GRAMD2B: variants seen among roughly 807,000 people sequenced by gnomAD.
The protein encoded by GRAMD2B is GRAM domain containing 2B, also known as GRAM domain-containing protein 2B.
A neutral mutation model predicts 59.2 loss-of-function variants in GRAMD2B; 41 were observed. That is an observed-to-expected ratio of 0.69 (90% CI 0.54 to 0.90). The LOEUF (loss-of-function observed/expected upper bound fraction) is 0.90, where lower values mean the gene tolerates loss of function less well. Among genes scored for constraint, GRAMD2B ranks in the 40% least tolerant of loss-of-function variants. GRAMD2B has a pLI of 0.00. For missense variants in GRAMD2B, 424 were observed against 500.5 expected, an observed-to-expected ratio of 0.85 and a Z score of 1.46; for synonymous variants, 161 against 182.7, an observed-to-expected ratio of 0.88 and a Z score of 0.96.
At chr5:126,414,965 T>C (rs1157199486) in intron 1 of GRAMD2B, among the ~76,000 whole-genome samples, 2 of 152,172 alleles carry the variant, frequency 1.3e-5, no homozygotes, top group East Asian at 1.9e-4. Flanking sequence ...AGTTTGTCTA[T>C]ATAAAGACAG....
intron 1 of GRAMD2B, chr5:126,459,073 C>G (rs1460827423): frequency 6.6e-6 from 1 of 152,060 alleles, no homozygotes; most frequent in African/African-American, 2.4e-5. Flanking sequence ...TTTTAAAGAC[C>G]TTAGAAAGAA....
In GRAMD2B at chr5:126,472,268, T is replaced by C. The variant is rs777696095; in HGVS notation, c.346T>C (p.Phe116Leu). The change falls in exon 4 of 14, where the codon TTT (phenylalanine) becomes CTT (leucine). Residue 116 changes from phenylalanine (F) to leucine (L), a missense_variant. Phe to Leu is a conservative substitution (Grantham distance 22). Transcript: ENST00000285689. ...YKANMHFHKL[F>L]LSVPTEEPLK... ...GGCCAATATGCACTTTCACAAGTTG[T>C]TTCTTAGTGTCCCAACGGAGGAACC... The C allele has an allele frequency of 6.2e-7, 1 of 1,614,052 alleles. No individual in the cohort carries two copies. Among genetic ancestry groups the C allele is most frequent in the South Asian group, 1.1e-5 (1 of 91,086 alleles).
intron 1 of GRAMD2B, among the ~76,000 whole-genome samples, chr5:126,392,592 T>A (rs985028320): frequency 5.9e-5 from 9 of 152,132 alleles, no homozygotes; most frequent in African/African-American, 2.2e-4. Context: ...ATTTGCATAG[T>A]TTAGACAAGT....
chr5:126,388,417 T>G lies in GRAMD2B; in HGVS notation c.125+16850T>G, dbSNP rs62391845. On this transcript the variant is annotated intron_variant, in intron 1 of 8. Coordinates refer to the GRAMD2B transcript ENST00000506445. ...TAATTAATTAAATAAAGATGCTGTT[T>G]TCAACCAAGACAAATTTTCTAAATA... Among the ~76,000 whole-genome samples the G allele has an allele frequency of 9.9e-5, 15 of 152,004 alleles. 1 individual carries two copies. The highest frequency in any genetic ancestry group is 1.9e-4 in the Non-Finnish European group (13 of 68,010).
At chr5:126,453,533 A>G (rs1765740257) in intron 1 of GRAMD2B, among the ~76,000 whole-genome samples, 1 of 152,204 alleles carries the variant, frequency 6.6e-6, no homozygotes, top group African/African-American at 2.4e-5. Flanking sequence ...AGAATTCACT[A>G]TCAGCAGCAT....
chr5:126,405,924 A>T (rs1758226885), intron 1 of GRAMD2B, among the ~76,000 whole-genome samples: 1 of 151,934 alleles, frequency 6.6e-6, no homozygotes, highest in South Asian at 2.1e-4. Context: ...AGAAAAGTGT[A>T]GTTAAGAGTT....
upstream of GRAMD2B, among the ~76,000 whole-genome samples, chr5:126,419,608 C>T (rs1759548698): frequency 6.6e-6 from 1 of 152,180 alleles, no homozygotes; most frequent in Non-Finnish European, 1.5e-5. Flanking sequence ...TGAACAGATG[C>T]ACAGTGTATG....
intron 1 of GRAMD2B, among the ~76,000 whole-genome samples, chr5:126,428,184 C>A (rs1760939656): frequency 6.6e-6 from 1 of 152,134 alleles, no homozygotes; most frequent in Non-Finnish European, 1.5e-5. Context: ...GATCATGGAT[C>A]ATGCCACTGC....
At chr5:126,447,491 T>A (rs781105654) in intron 1 of GRAMD2B, among the ~76,000 whole-genome samples, 4 of 151,766 alleles carry the variant, frequency 2.6e-5, no homozygotes, top group Middle Eastern at 3.4e-3. Context: ...TGAAACCCCG[T>A]CTCTACTAAA....
chr5:126,492,081 CA>C (rs1265693965), intron 13 of GRAMD2B, among the ~76,000 whole-genome samples: 1 of 152,218 alleles, frequency 6.6e-6, no homozygotes, highest in Non-Finnish European at 1.5e-5. Flanking sequence ...TTACTGAGAA[CA>C]TTTTTGATGT....
intron 1 of GRAMD2B, among the ~76,000 whole-genome samples, chr5:126,388,536 G>A (rs1402268821): frequency 6.6e-6 from 1 of 151,542 alleles, no homozygotes; most frequent in Non-Finnish European, 1.5e-5. Flanking sequence ...TGCTATGAAA[G>A]GTTTATTCCA....
At chr5:126,462,821 T>C (rs1407141989) in intron 1 of GRAMD2B, among the ~76,000 whole-genome samples, 1 of 152,154 alleles carries the variant, frequency 6.6e-6, no homozygotes, top group African/African-American at 2.4e-5. Context: ...GGCTAGGGCC[T>C]TCAAGGAGAG....
intron 6 of GRAMD2B, 91 bp downstream of exon 6, chr5:126,477,878 C>G: frequency 1.3e-6 from 1 of 783,712 alleles, no homozygotes; most frequent in Non-Finnish European, 2.3e-6. Context: ...GACCAAGACT[C>G]CAAACCATAA....
chr5:126,377,969 T>C (rs1000613089), intron 1 of GRAMD2B, among the ~76,000 whole-genome samples: 5 of 152,216 alleles, frequency 3.3e-5, no homozygotes, highest in Non-Finnish European at 2.9e-5. Context: ...AGTTCTCTCC[T>C]ATTAGGACTA....
At chr5:126,472,362 T>C in intron 4 of GRAMD2B, 58 bp downstream of exon 4, 1 of 1,419,960 alleles carries the variant, frequency 7.0e-7, no homozygotes, top group Non-Finnish European at 1.0e-6. Flanking sequence ...GATCATTAGT[T>C]TTGGGGAAGA....
intron 1 of GRAMD2B, among the ~76,000 whole-genome samples, chr5:126,413,935 A>G (rs1490883537): frequency 6.6e-6 from 1 of 152,146 alleles, no homozygotes; most frequent in Non-Finnish European, 1.5e-5. Context: ...CACTTGTCCA[A>G]CGTAGTAAAG....
intron 1 of GRAMD2B, among the ~76,000 whole-genome samples, chr5:126,362,948 T>C (rs1375052795): frequency 1.3e-5 from 2 of 152,282 alleles, no homozygotes; most frequent in East Asian, 3.8e-4. Context: ...TCGCAAGTGA[T>C]AAAAGAGAAA....
intron 1 of GRAMD2B, among the ~76,000 whole-genome samples, chr5:126,393,166 A>G (rs901398361): frequency 6.6e-6 from 1 of 151,878 alleles, no homozygotes; most frequent in Admixed American, 6.6e-5. Flanking sequence ...TTCACCCATC[A>G]GCTTCATCCC....
intron 1 of GRAMD2B, among the ~76,000 whole-genome samples, chr5:126,442,293 C>CTTTTTTT (rs11325974): frequency 7.1e-6 from 1 of 140,988 alleles, no homozygotes; most frequent in South Asian, 2.2e-4. Flanking sequence ...TCTTTTTTTT[C>CTTTTTTT]TTTTTTTTTT....
Sources: gnomAD v4.1 joint callset for allele counts (sites outside exome capture counted in the v4.1 genomes callset) on GRCh38, gnomAD v4.1.1 for gene constraint, MANE v1.5 for transcripts, NCBI Gene and HGNC (gene_info 2026-07-23, HGNC 2026-07-21) for gene names.